Variants in PLA1A observed in about 807,000 individuals in gnomAD.
PLA1A encodes phospholipase A1 member A.
PLA1A carries 47 observed loss-of-function variants against 49.4 expected under a neutral mutation model. That is an observed-to-expected ratio of 0.95 (90% CI 0.75 to 1.21). The LOEUF (loss-of-function observed/expected upper bound fraction) is 1.21, where lower values mean the gene tolerates loss of function less well. Ranked by LOEUF, PLA1A falls within the 50% of genes most tolerant of loss-of-function variation. The pLI is 0.00. For missense variants in PLA1A, 561 were observed against 563.9 expected, an observed-to-expected ratio of 0.99 and a Z score of 0.05; for synonymous variants, 224 against 207.9, an observed-to-expected ratio of 1.08 and a Z score of -0.67.
chr3:119,626,660 A>G (rs2052542914), intron 9 of PLA1A, among the ~76,000 whole-genome samples: 1 of 152,076 alleles, frequency 6.6e-6, no homozygotes, highest in Non-Finnish European at 1.5e-5. Flanking sequence ...GTTTGGAGAT[A>G]TTTCTCGGGT....
chr3:119,599,514 G>A (rs1426635480), intron 1 of PLA1A, among the ~76,000 whole-genome samples: 1 of 152,090 alleles, frequency 6.6e-6, no homozygotes, highest in Non-Finnish European at 1.5e-5. Context: ...GTTGAGGAGT[G>A]GGAGGACTAT....
intron 5 of PLA1A, among the ~76,000 whole-genome samples, chr3:119,615,010 AG>A (rs201861992): frequency 2.6e-3 from 398 of 152,292 alleles, no homozygotes; most frequent in African/African-American, 9.2e-3. Context: ...TATGTTTTGG[AG>A]GTAGAGCTGA....
At chr3:119,607,136 T>C (rs1341500077) in intron 2 of PLA1A, 161 bp downstream of exon 2, 2 of 636,712 alleles carry the variant, frequency 3.1e-6, no homozygotes, top group Non-Finnish European at 5.6e-6. Flanking sequence ...CATGTCAACA[T>C]GCACACATGG....
chr3:119,624,634 ATT>A (rs79356811), intron 8 of PLA1A, among the ~76,000 whole-genome samples: 2,319 of 143,762 alleles, frequency 0.016, 53 homozygotes, highest in African/African-American at 0.055. Context: ...TAGGGTATCT[ATT>A]TTTTTTTTTT....
rs182046280 is a variant in PLA1A at position 119,598,004 on chromosome 3, C to T, written c.73+18C>T. ...AAGTTCAGGTAAGCCAGGGCTCAGG[C>T]CTTGGGAGGAACTTATTTCAGTCAG... On this transcript the variant is annotated intron_variant, in intron 1 of 10. Transcript: ENST00000273371. 1.3e-6 allele frequency: 2 copies of T among 1,524,844 alleles called. No individual in the cohort carries two copies. Among genetic ancestry groups the T allele is most frequent in the Non-Finnish European group, 1.8e-6 (2 of 1,106,972 alleles). 94.5% of individuals were successfully genotyped at this position (1,524,844 alleles called of 1,614,324 possible).
Position 119,608,948 on chromosome 3 carries a change from G to T in PLA1A, c.453+1G>T. 1 of 1,613,354 alleles carries T rather than the reference G, an allele frequency of 6.2e-7. No individual in the cohort carries two copies. Among genetic ancestry groups the T allele is most frequent in the Non-Finnish European group, 8.5e-7 (1 of 1,179,316 alleles). ...CTCCCTTTTCCTCAATAAACTCCTGGTAGGTGCAGAAGAGCTTAGGGTGAG... is the reference window on the plus strand; with the variant it reads ...CTCCCTTTTCCTCAATAAACTCCTGTTAGGTGCAGAAGAGCTTAGGGTGAG... On this transcript the variant is annotated splice_donor_variant, in intron 3 of 10. Coordinates refer to ENST00000273371, the MANE Select transcript of PLA1A (RefSeq NM_015900.4). LOFTEE classifies it high-confidence loss of function.
intron 8 of PLA1A, among the ~76,000 whole-genome samples, chr3:119,623,995 G>A (rs773419668): frequency 9.9e-5 from 15 of 152,108 alleles, no homozygotes; most frequent in Non-Finnish European, 1.6e-4. Flanking sequence ...AAAGTGCTGC[G>A]ATTACAGGAG....
intron 8 of PLA1A, among the ~76,000 whole-genome samples, chr3:119,622,648 A>G (rs1256641171): frequency 1.3e-5 from 2 of 152,140 alleles, no homozygotes; most frequent in Non-Finnish European, 1.5e-5. Flanking sequence ...AATGTGGCAA[A>G]TGAGAAAGTA....
At chr3:119,621,567 T>C (rs1055446895) in intron 8 of PLA1A, among the ~76,000 whole-genome samples, 1 of 152,284 alleles carries the variant, frequency 6.6e-6, no homozygotes, top group African/African-American at 2.4e-5. Context: ...TGCGCCAGCA[T>C]GGGCAGAGGA....
At chr3:119,623,728 T>C (rs1023504571) in intron 8 of PLA1A, among the ~76,000 whole-genome samples, 2 of 146,122 alleles carry the variant, frequency 1.4e-5, no homozygotes, top group African/African-American at 2.5e-5. Context: ...TTTTTTTTTT[T>C]TTTTTTTTTT....
intron 7 of PLA1A, among the ~76,000 whole-genome samples, chr3:119,619,078 T>C (rs1167493671): frequency 6.6e-6 from 1 of 152,208 alleles, no homozygotes; most frequent in African/African-American, 2.4e-5. Flanking sequence ...ACTGAACACC[T>C]GGTGGTGCTA....
At chr3:119,625,089 C>T in intron 8 of PLA1A, 35 bp from the exon 9 acceptor site, 1 of 1,410,126 alleles carries the variant, frequency 7.1e-7, no homozygotes, top group Non-Finnish European at 1.0e-6. Flanking sequence ...ACCTTCTGCC[C>T]TCTGGCCAGT....
At chr3:119,619,028 C>A (rs2082892084) in intron 7 of PLA1A, among the ~76,000 whole-genome samples, 2 of 152,244 alleles carry the variant, frequency 1.3e-5, no homozygotes, top group Admixed American at 1.3e-4. Context: ...CCACCTCACA[C>A]TGTCTGCCCA....
chr3:119,613,493 T>C lies in PLA1A; in HGVS notation c.664+375T>C, dbSNP rs192384234. Among the ~76,000 whole-genome samples the C allele has an allele frequency of 3.9e-3, 590 of 152,344 alleles. 4 individuals carry two copies. Among genetic ancestry groups the C allele is most frequent in the African/African-American group, 0.013 (560 of 41,584 alleles). On this transcript the variant is annotated intron_variant, in intron 5 of 10. Transcript: ENST00000273371. ...GAAGATTTTTTAGGATGGGTGTGCC[T>C]GGTCCCAAGGTACTGGGCCATTCCA...
chr3:119,609,432 T>G (rs1440029900), intron 3 of PLA1A, 36 bp from the exon 4 acceptor site: 1 of 1,315,152 alleles, frequency 7.6e-7, no homozygotes. Flanking sequence ...GCAGACTCTG[T>G]GGCCCACGGG....
At chr3:119,621,690 A>C (rs1303777264) in intron 8 of PLA1A, among the ~76,000 whole-genome samples, 1 of 152,142 alleles carries the variant, frequency 6.6e-6, no homozygotes, top group Non-Finnish European at 1.5e-5. Context: ...CTGTGTGATA[A>C]GTTGAGGGCT....
At chr3:119,606,697 C>T (rs1410460224) in intron 1 of PLA1A, 77 bp from the exon 2 acceptor site, 2 of 1,191,530 alleles carry the variant, frequency 1.7e-6, no homozygotes, top group Admixed American at 1.9e-5. Flanking sequence ...TTGCTTCCTT[C>T]CAAGGTCATC....
chr3:119,608,711 T>A, intron 2 of PLA1A, 59 bp from the exon 3 acceptor site: 1 of 1,312,678 alleles, frequency 7.6e-7, no homozygotes, highest in Non-Finnish European at 1.1e-6. Flanking sequence ...GAGGTTTCCA[T>A]GACAATGAAT....
Position 119,597,935 on chromosome 3 carries a change from A to G in PLA1A, c.22A>G (p.Ser8Gly), listed in dbSNP as rs2082563051. The part of the protein sequence containing the change: MPPGPWE[S>G]CFWVGGLILW... ...AGCGATGCCCCCAGGTCCCTGGGAG[A>G]GCTGCTTCTGGGTGGGGGGCCTCAT... is the stretch of plus-strand genomic sequence containing the variant. The change falls in exon 1 of 11, where the codon AGC (serine) becomes GGC (glycine). Residue 8 changes from serine to glycine, a missense_variant. Physicochemically the swap from Ser to Gly is moderately conservative, Grantham distance 56 (BLOSUM62 0). Coordinates refer to ENST00000273371, the MANE Select transcript of PLA1A (RefSeq NM_015900.4). The G allele has an allele frequency of 1.2e-6, 2 of 1,610,052 alleles. No individual in the cohort carries two copies. Among genetic ancestry groups the G allele is most frequent in the Non-Finnish European group, 1.7e-6 (2 of 1,178,176 alleles).
Sources: allele counts gnomAD v4.1 joint callset (sites outside exome capture counted in the v4.1 genomes callset), GRCh38; gene constraint gnomAD v4.1.1; transcripts MANE v1.5; gene names NCBI Gene and HGNC (gene_info 2026-07-23, HGNC 2026-07-21).